The following GFOD1 variants were observed in gnomAD, a reference collection of about 807,000 sequenced individuals.
GFOD1 encodes the protein Gfo/Idh/MocA-like oxidoreductase domain containing 1.
GFOD1 carries 9 observed loss-of-function variants against 25.4 expected under a neutral mutation model. That is an observed-to-expected ratio of 0.35 (90% CI 0.21 to 0.62). GFOD1 has a LOEUF of 0.62. Ranked by LOEUF, GFOD1 falls within the 20% of genes least tolerant of loss-of-function variation. GFOD1 has a pLI of 0.72. For missense variants in GFOD1, 403 were observed against 556.9 expected (o/e 0.72, Z 2.78); for synonymous variants, 253 against 245.6 (o/e 1.03, Z -0.28).
intron 1 of GFOD1, among the ~76,000 whole-genome samples, chr6:13,401,459 T>A: frequency 6.6e-6 from 1 of 152,124 alleles, no homozygotes; most frequent in East Asian, 1.9e-4. Context: ...TTAGAGATGC[T>A]AGCTATGGTA....
intron 1 of GFOD1, among the ~76,000 whole-genome samples, chr6:13,395,763 T>C (rs958984633): frequency 1.3e-5 from 2 of 152,160 alleles, no homozygotes; most frequent in Non-Finnish European, 2.9e-5. Context: ...TGAAGAAACT[T>C]CCTTGGCATC....
intron 1 of GFOD1, among the ~76,000 whole-genome samples, chr6:13,396,843 T>C (rs1785742525): frequency 6.6e-6 from 1 of 152,232 alleles, no homozygotes; most frequent in South Asian, 2.1e-4. Context: ...ACACTGAATT[T>C]AGACTTTCTA....
chr6:13,449,797 T>C (rs768133400), intron 1 of GFOD1, among the ~76,000 whole-genome samples: 2 of 152,216 alleles, frequency 1.3e-5, no homozygotes, highest in Non-Finnish European at 2.9e-5. Context: ...CACATGGAAC[T>C]GTGAGTCCAT....
chr6:13,374,785 C>T, intron 1 of GFOD1, among the ~76,000 whole-genome samples: 1 of 141,788 alleles, frequency 7.1e-6, no homozygotes, highest in Admixed American at 7.3e-5. Context: ...TTTTGTTGCC[C>T]AGGCTGGAGT....
chr6:13,368,006 T>C (rs1272326384), intron 1 of GFOD1, among the ~76,000 whole-genome samples: 1 of 152,134 alleles, frequency 6.6e-6, no homozygotes, highest in Non-Finnish European at 1.5e-5. Flanking sequence ...AGACACTCAA[T>C]TGACAAAATC....
At chr6:13,431,742 C>G (rs972000128) in intron 1 of GFOD1, among the ~76,000 whole-genome samples, 1 of 152,194 alleles carries the variant, frequency 6.6e-6, no homozygotes, top group African/African-American at 2.4e-5. Context: ...TCAATACAAA[C>G]TTAAATGACC....
intron 1 of GFOD1, among the ~76,000 whole-genome samples, chr6:13,436,133 A>G (rs1757829948): frequency 6.6e-6 from 1 of 152,238 alleles, no homozygotes; most frequent in South Asian, 2.1e-4. Flanking sequence ...TTAACATTTC[A>G]TACTTTACTC....
At chr6:13,431,736 T>C (rs1220962545) in intron 1 of GFOD1, among the ~76,000 whole-genome samples, 2 of 152,188 alleles carry the variant, frequency 1.3e-5, no homozygotes, top group Non-Finnish European at 1.5e-5. Context: ...AGCACCTCAA[T>C]ACAAACTTAA....
At chr6:13,393,780 CTTTTTT>C (rs70989854) in intron 1 of GFOD1, among the ~76,000 whole-genome samples, 1 of 120,288 alleles carries the variant, frequency 8.3e-6, no homozygotes, top group African/African-American at 3.1e-5. Flanking sequence ...TTTTTCTTTT[CTTTTTT>C]TTTTTTTTTT....
chr6:13,478,285 G>A (rs999557941), intron 1 of GFOD1, among the ~76,000 whole-genome samples: 3 of 151,984 alleles, frequency 2.0e-5, no homozygotes, highest in Admixed American at 6.6e-5. Context: ...GATTACAGGT[G>A]CACAACACCA....
intron 1 of GFOD1, among the ~76,000 whole-genome samples, chr6:13,470,894 T>C (rs1286351673): frequency 1.3e-5 from 2 of 152,028 alleles, no homozygotes; most frequent in Non-Finnish European, 2.9e-5. Context: ...AACTTAGCAG[T>C]CCCAGTTCCC....
intron 1 of GFOD1, among the ~76,000 whole-genome samples, chr6:13,457,383 A>G (rs1229135114): frequency 6.6e-6 from 1 of 152,226 alleles, no homozygotes; most frequent in Non-Finnish European, 1.5e-5. Context: ...GCAGAGAGCC[A>G]ATCAAGAAAC....
intron 1 of GFOD1, among the ~76,000 whole-genome samples, chr6:13,366,836 T>G (rs1351715125): frequency 4.4e-4 from 67 of 152,146 alleles, no homozygotes; most frequent in Admixed American, 4.4e-3. Context: ...GGTATTGATT[T>G]AAATAGTAAG....
At chr6:13,421,212 G>A (rs1363853401) in intron 1 of GFOD1, among the ~76,000 whole-genome samples, 1 of 152,166 alleles carries the variant, frequency 6.6e-6, no homozygotes, top group Non-Finnish European at 1.5e-5. Context: ...AACTGGCCAG[G>A]CATGTTCGCT....
rs373056423 is a variant in GFOD1 at position 13,400,160 on chromosome 6, A to T, written c.254-34498T>A. Among the ~76,000 whole-genome samples, 4 of 152,344 alleles carry T rather than the reference A, an allele frequency of 2.6e-5. No homozygotes were observed. In the South Asian group the frequency reaches 8.3e-4, roughly 32 times the overall value. On this transcript the variant is annotated intron_variant, in intron 1 of 1. Coordinates refer to ENST00000379287, the MANE Select transcript of GFOD1 (RefSeq NM_018988.4). Reference sequence around the variant, plus strand: ...CTCTAAAATAGACATAGTGCAGGCCAATACACTAAGACATGCAGGACCGGG... The same window carrying T: ...CTCTAAAATAGACATAGTGCAGGCCTATACACTAAGACATGCAGGACCGGG...
At chr6:13,473,394 CTT>C (rs764867306) in intron 1 of GFOD1, among the ~76,000 whole-genome samples, 1 of 152,242 alleles carries the variant, frequency 6.6e-6, no homozygotes, top group Non-Finnish European at 1.5e-5. Flanking sequence ...GCTGAATCAA[CTT>C]TTGCAGTTCT....
At chr6:13,371,337 C>T (rs763684023) in intron 1 of GFOD1, among the ~76,000 whole-genome samples, 2 of 152,196 alleles carry the variant, frequency 1.3e-5, no homozygotes, top group African/African-American at 2.4e-5. Context: ...CTTTCTTACT[C>T]CTAGGTGAAC....
At chr6:13,470,589 T>C (rs750885883) in intron 1 of GFOD1, 65 of 1,503,646 alleles carry the variant, frequency 4.3e-5, no homozygotes, top group Non-Finnish European at 5.5e-5. Flanking sequence ...TTTTCCCCAG[T>C]ATTTTTCTGT....
At chr6:13,416,318 T>C (rs1247804533) in intron 1 of GFOD1, among the ~76,000 whole-genome samples, 1 of 152,258 alleles carries the variant, frequency 6.6e-6, no homozygotes, top group Non-Finnish European at 1.5e-5. Flanking sequence ...AATGGACTAA[T>C]ACAGGGAGAC....
Sources: allele counts gnomAD v4.1 joint callset (sites outside exome capture counted in the v4.1 genomes callset), GRCh38; gene constraint gnomAD v4.1.1; transcripts MANE v1.5; gene names NCBI Gene and HGNC (gene_info 2026-07-23, HGNC 2026-07-21).